Variants in EDAR observed in about 807,000 individuals in gnomAD.
EDAR encodes the protein ectodysplasin A receptor.
A neutral mutation model predicts 51.3 loss-of-function variants in EDAR; 38 were observed. The observed-to-expected ratio is 0.74, with a 90% confidence interval of 0.57 to 0.97. The LOEUF (loss-of-function observed/expected upper bound fraction) is 0.97, where lower values mean the gene tolerates loss of function less well. Among genes scored for constraint, EDAR ranks in the 50% least tolerant of loss-of-function variants. The probability of loss-of-function intolerance (pLI) is 0.00; values close to 1 mark genes in which losing one functional copy is unlikely to be tolerated. For missense variants in EDAR, 528 were observed against 595.0 expected, an observed-to-expected ratio of 0.89 and a Z score of 1.17; for synonymous variants, 227 against 242.1, an observed-to-expected ratio of 0.94 and a Z score of 0.58.
intron 1 of EDAR, among the ~76,000 whole-genome samples, chr2:108,960,315 C>G (rs1027890796): frequency 1.3e-5 from 2 of 152,116 alleles, no homozygotes; most frequent in African/African-American, 2.4e-5. Context: ...ATTGTCTGAA[C>G]AAAAAAAGTG....
At chr2:108,978,165 G>A (rs1463866785) in intron 1 of EDAR, among the ~76,000 whole-genome samples, 1 of 152,224 alleles carries the variant, frequency 6.6e-6, no homozygotes, top group Non-Finnish European at 1.5e-5. Context: ...CCAAGTACAG[G>A]GCCTGCTGAG....
intron 1 of EDAR, among the ~76,000 whole-genome samples, chr2:108,979,465 TCTCACACA>T (rs1428967547): frequency 1.4e-5 from 2 of 138,214 alleles, no homozygotes; most frequent in Admixed American, 8.0e-5. Flanking sequence ...TCTCTCTCTC[TCTCACACA>T]CACACACACA....
Position 108,912,666 on chromosome 2 carries a change from C to A in EDAR, c.529+12G>T. 1 of 1,577,110 alleles carries A rather than the reference C, an allele frequency of 6.3e-7. No individual in the cohort carries two copies. On this transcript the variant is annotated intron_variant, in intron 6 of 11. Transcript: ENST00000258443. ...TAACTCCAGGTGATCGATACCTGAG[C>A]ACCCTCCTCACCTTTGTGGGCGTGC...
rs371103887 is a variant in EDAR at position 108,927,522 on chromosome 2, G to A, written c.356+1676C>T. ...GGCCATAGAGTCAGCCCTGGCCTTC[G>A]GGTACTGATGGACACCTTCTCAGGT... On this transcript the variant is annotated intron_variant, in intron 4 of 11. Transcript: ENST00000258443. Among the ~76,000 whole-genome samples, 296 of 152,260 alleles carry A rather than the reference G, an allele frequency of 1.9e-3. 8 individuals carry two copies. In the South Asian group the frequency reaches 0.052, roughly 27 times the overall value.
chr2:108,968,373 T>G (rs555082827), intron 1 of EDAR, among the ~76,000 whole-genome samples: 1 of 152,164 alleles, frequency 6.6e-6, no homozygotes, highest in Non-Finnish European at 1.5e-5. Flanking sequence ...TATAGAAAAA[T>G]AATTGTACAT....
chr2:108,935,777 C>T (rs1697455642), intron 1 of EDAR, among the ~76,000 whole-genome samples: 1 of 152,206 alleles, frequency 6.6e-6, no homozygotes, highest in African/African-American at 2.4e-5. Context: ...AAGGACGGTG[C>T]CAGACAGATA....
chr2:108,925,921 T>C (rs1697244463), intron 4 of EDAR, among the ~76,000 whole-genome samples: 1 of 152,162 alleles, frequency 6.6e-6, no homozygotes, highest in African/African-American at 2.4e-5. Flanking sequence ...TGACCGGTGA[T>C]AAACTTTTAA....
In EDAR at chr2:108,923,515, T is replaced by C. The variant is rs1264962982; in HGVS notation, c.357-62A>G. On this transcript the variant is annotated intron_variant, in intron 4 of 11. Coordinates refer to ENST00000258443, the MANE Select transcript of EDAR (RefSeq NM_022336.4). ...AGCTGGACAGCACACAGGCAGGGAC[T>C]GGTGCAGAGAGCACGGTGGCCAGTC... 30 of 1,515,872 alleles carry C rather than the reference T, an allele frequency of 2.0e-5. No homozygotes were observed. The Admixed American group carries it at 5.0e-4, about 25-fold the overall frequency. The allele number at this position is 1,515,872 out of a possible 1,614,324, so 93.9% of individuals were successfully genotyped here.
At chr2:108,945,353 T>TC (rs1483482782) in intron 1 of EDAR, among the ~76,000 whole-genome samples, 1 of 152,120 alleles carries the variant, frequency 6.6e-6, no homozygotes, top group Non-Finnish European at 1.5e-5. Context: ...TATTTATTTA[T>TC]CCCCATGCCA....
At chr2:108,925,716 C>T (rs1400381368) in intron 4 of EDAR, among the ~76,000 whole-genome samples, 2 of 152,114 alleles carry the variant, frequency 1.3e-5, no homozygotes, top group Non-Finnish European at 2.9e-5. Context: ...CTCCCAGGTG[C>T]AAACAATTCT....
At chr2:108,962,463 G>A (rs1309553994) in intron 1 of EDAR, among the ~76,000 whole-genome samples, 1 of 152,014 alleles carries the variant, frequency 6.6e-6, no homozygotes, top group Non-Finnish European at 1.5e-5. Context: ...CATGAGGTCA[G>A]GAGATCGAGA....
intron 10 of EDAR, 80 bp from the exon 11 acceptor site, chr2:108,906,448 G>C: frequency 6.9e-7 from 1 of 1,456,030 alleles, no homozygotes; most frequent in South Asian, 1.1e-5. Context: ...GTCAGCAGGG[G>C]CAGGCAGCAG....
At chr2:108,901,906 C>T (rs576622650) in intron 11 of EDAR, among the ~76,000 whole-genome samples, 151 of 152,070 alleles carry the variant, frequency 9.9e-4, no homozygotes, top group African/African-American at 3.5e-3. Context: ...GAGTTCAAGA[C>T]CAGTCTGGCC....
At chr2:108,916,918 C>T (rs1260097103) in intron 5 of EDAR, among the ~76,000 whole-genome samples, 1 of 152,128 alleles carries the variant, frequency 6.6e-6, no homozygotes, top group African/African-American at 2.4e-5. Context: ...AGATCATTGC[C>T]CAAGGAGCAG....
chr2:108,907,160 G>C (rs1696822152), intron 10 of EDAR, among the ~76,000 whole-genome samples: 1 of 152,210 alleles, frequency 6.6e-6, no homozygotes. Flanking sequence ...GTTTCTACAT[G>C]TGAACCTGTT....
intron 5 of EDAR, among the ~76,000 whole-genome samples, chr2:108,916,626 G>A (rs972865194): frequency 1.3e-5 from 2 of 152,222 alleles, no homozygotes; most frequent in South Asian, 2.1e-4. Flanking sequence ...GGCTGCAGGT[G>A]TAGGCTGGGT....
rs184436270 is a variant in EDAR at position 108,916,227 on chromosome 2, G to C, written c.443-3463C>G. ...TCTGTTCAGTAAGGCGCTCAAGGGA[G>C]CTTAAGATACACTGTCAGAGCAAAA... On this transcript the variant is annotated intron_variant, in intron 5 of 11. Coordinates refer to ENST00000258443, the MANE Select transcript of EDAR (RefSeq NM_022336.4). Among the ~76,000 whole-genome samples, 11 of 152,354 alleles carry C rather than the reference G, an allele frequency of 7.2e-5. No homozygotes were observed. The East Asian group carries it at 2.1e-3, about 29-fold the overall frequency.
intron 1 of EDAR, among the ~76,000 whole-genome samples, chr2:108,943,452 C>G (rs1207868397): frequency 6.6e-6 from 1 of 152,200 alleles, no homozygotes; most frequent in Non-Finnish European, 1.5e-5. Context: ...ATTCATCTCT[C>G]TACCCTGTGC....
At chr2:108,946,488 T>C (rs1449041563) in intron 1 of EDAR, among the ~76,000 whole-genome samples, 1 of 152,184 alleles carries the variant, frequency 6.6e-6, no homozygotes, top group African/African-American at 2.4e-5. Flanking sequence ...ACACATATTT[T>C]ACATACTAAA....
Sources: gnomAD v4.1 joint callset for allele counts (sites outside exome capture counted in the v4.1 genomes callset) on GRCh38, gnomAD v4.1.1 for gene constraint, MANE v1.5 for transcripts, NCBI Gene and HGNC (gene_info 2026-07-23, HGNC 2026-07-21) for gene names.